ADAM23: variants seen among roughly 807,000 people sequenced by gnomAD.
ADAM23 encodes the protein ADAM metallopeptidase domain 23.
ADAM23 carries 33 observed loss-of-function variants against 120.1 expected under a neutral mutation model. That is an observed-to-expected ratio of 0.27 (90% CI 0.21 to 0.37). The LOEUF (loss-of-function observed/expected upper bound fraction) is 0.37, where lower values mean the gene tolerates loss of function less well. ADAM23 is among the 10% of genes least tolerant of loss of function. ADAM23 has a pLI of 1.00. For missense variants in ADAM23, 862 were observed against 1,058.2 expected (o/e 0.81, Z 2.57); for synonymous variants, 367 against 375.2 (o/e 0.98, Z 0.25).
At chr2:206,475,908 G>T (rs1041422662) in intron 2 of ADAM23, among the ~76,000 whole-genome samples, 5 of 152,034 alleles carry the variant, frequency 3.3e-5, no homozygotes, top group Admixed American at 6.6e-5. Context: ...CAAGATAAAG[G>T]AAATAAAATA....
intron 2 of ADAM23, among the ~76,000 whole-genome samples, chr2:206,463,018 A>G (rs1178630318): frequency 3.9e-5 from 6 of 152,170 alleles, no homozygotes; most frequent in African/African-American, 7.2e-5. Flanking sequence ...TGTGGACTGC[A>G]CTGGGTGATG....
intron 3 of ADAM23, among the ~76,000 whole-genome samples, chr2:206,514,843 A>T (rs182264692): frequency 5.9e-5 from 9 of 152,310 alleles, no homozygotes; most frequent in Non-Finnish European, 1.2e-4. Flanking sequence ...CAGCAAAATG[A>T]TTACAACTTG....
chr2:206,567,468 T>G (rs1444446337), intron 15 of ADAM23, 146 bp downstream of exon 15: 4 of 565,680 alleles, frequency 7.1e-6, no homozygotes, highest in African/African-American at 5.6e-5. Flanking sequence ...CCTTATCATG[T>G]TAAAGATTGA....
chr2:206,548,976 T>C (rs562604125), intron 8 of ADAM23, among the ~76,000 whole-genome samples: 1 of 152,258 alleles, frequency 6.6e-6, no homozygotes, highest in South Asian at 2.1e-4. Flanking sequence ...ATTGAAATTA[T>C]GTTTCTGGTC....
chr2:206,477,897 A>AAATATATATATATATATATATATATAT (rs374524658), intron 2 of ADAM23, among the ~76,000 whole-genome samples: 1 of 93,574 alleles, frequency 1.1e-5, no homozygotes, highest in African/African-American at 5.2e-5. Flanking sequence ...AAAAAAAAAA[A>AAATATATATATATATATATATATATAT]ATATATATAT....
chr2:206,526,354 T>G, intron 3 of ADAM23, among the ~76,000 whole-genome samples: 1 of 152,186 alleles, frequency 6.6e-6, no homozygotes, highest in Non-Finnish European at 1.5e-5. Context: ...AATCCTGAAA[T>G]TAGGACAGTT....
intron 3 of ADAM23, among the ~76,000 whole-genome samples, chr2:206,500,841 C>G (rs1353546066): frequency 6.6e-6 from 1 of 152,174 alleles, no homozygotes; most frequent in African/African-American, 2.4e-5. Flanking sequence ...GTGTCACAAC[C>G]TCATGCTTTT....
At chr2:206,597,481 T>C (rs897101472) in intron 24 of ADAM23, among the ~76,000 whole-genome samples, 1 of 152,170 alleles carries the variant, frequency 6.6e-6, no homozygotes, top group African/African-American at 2.4e-5. Context: ...CATCATCTTA[T>C]AATGTAGTCT....
rs555503727 is a variant in ADAM23 at position 206,513,520 on chromosome 2, T to A, written c.510-17365T>A. On this transcript the variant is annotated intron_variant, in intron 3 of 25. Transcript: ENST00000264377. ...AAGTTTGAAGCTAGCAGAATTTGGT[T>A]CATGAGATTTAAGGAAAGAAGCTGT... Among the ~76,000 whole-genome samples the A allele has an allele frequency of 2.0e-5, 3 of 152,292 alleles. No individual in the cohort carries two copies. In the East Asian group the frequency reaches 5.8e-4, roughly 29 times the overall value.
At chr2:206,540,919 T>C (rs939908896) in intron 4 of ADAM23, among the ~76,000 whole-genome samples, 6 of 146,936 alleles carry the variant, frequency 4.1e-5, no homozygotes, top group Admixed American at 2.8e-4. Flanking sequence ...TAAAAATTAT[T>C]ATTTTTATTA....
chr2:206,518,407 C>A (rs569204319), intron 3 of ADAM23, among the ~76,000 whole-genome samples: 25 of 152,220 alleles, frequency 1.6e-4, no homozygotes, highest in African/African-American at 5.8e-4. Context: ...TTCAAAGTGA[C>A]ATCAATTGTC....
chr2:206,570,718 C>G, intron 15 of ADAM23, 22 bp from the exon 16 acceptor site: 1 of 1,605,082 alleles, frequency 6.2e-7, no homozygotes, highest in Admixed American at 1.7e-5. Flanking sequence ...ACATTTTTCC[C>G]TTCTGTCCCT....
chr2:206,507,062 A>T (rs1348200761), intron 3 of ADAM23, among the ~76,000 whole-genome samples: 1 of 152,144 alleles, frequency 6.6e-6, no homozygotes, highest in Non-Finnish European at 1.5e-5. Context: ...CTATTTAAGG[A>T]CTCTTGCTTT....
At chr2:206,477,923 A>ATATATATATAT (rs1261680065) in intron 2 of ADAM23, among the ~76,000 whole-genome samples, 22 of 90,712 alleles carry the variant, frequency 2.4e-4, no homozygotes, top group African/African-American at 5.2e-4. Flanking sequence ...TATATATATA[A>ATATATATATAT]AACAACAATG....
At chr2:206,494,240 C>G (rs1696190470) in intron 3 of ADAM23, among the ~76,000 whole-genome samples, 1 of 152,194 alleles carries the variant, frequency 6.6e-6, no homozygotes, top group Non-Finnish European at 1.5e-5. Flanking sequence ...AAAATGGAAA[C>G]TGAAACCCTT....
chr2:206,513,368 G>GA lies in ADAM23; in HGVS notation c.510-17514dup, dbSNP rs572936644. ...GAAACAGCCTTGTTGCTGATATGGAGAAAGTTTTAATGTTCTGGATAGAAG... is the reference window on the plus strand; with the variant it reads ...GAAACAGCCTTGTTGCTGATATGGAGAAAAGTTTTAATGTTCTGGATAGAAG... On this transcript the variant is annotated intron_variant, in intron 3 of 25. Transcript: ENST00000264377. 2.9e-5 allele frequency among the ~76,000 whole-genome samples: 4 copies of GA among 139,560 alleles called. No individual in the cohort carries two copies. The South Asian group carries it at 9.6e-4, about 33-fold the overall frequency. 91.6% of individuals were successfully genotyped at this position (139,560 alleles called of 152,430 possible).
At chr2:206,472,151 T>TC (rs1305703702) in intron 2 of ADAM23, among the ~76,000 whole-genome samples, 4 of 152,132 alleles carry the variant, frequency 2.6e-5, no homozygotes, top group Non-Finnish European at 5.9e-5. Context: ...TAGTTTGACC[T>TC]CCCCCATACC....
chr2:206,512,992 A>G (rs1010416336), intron 3 of ADAM23, among the ~76,000 whole-genome samples: 1 of 152,208 alleles, frequency 6.6e-6, no homozygotes, highest in Non-Finnish European at 1.5e-5. Flanking sequence ...CATAGAATCC[A>G]GTGAACTTTA....
At chr2:206,535,104 G>T (rs1697144187) in intron 4 of ADAM23, among the ~76,000 whole-genome samples, 1 of 152,048 alleles carries the variant, frequency 6.6e-6, no homozygotes, top group Non-Finnish European at 1.5e-5. Flanking sequence ...GCCTGGGTGG[G>T]TAAGGCTAGC....
Sources: allele counts gnomAD v4.1 joint callset (sites outside exome capture counted in the v4.1 genomes callset), GRCh38; gene constraint gnomAD v4.1.1; transcripts MANE v1.5; gene names NCBI Gene and HGNC (gene_info 2026-07-23, HGNC 2026-07-21).